The following NAGS variants were observed in gnomAD, a reference collection of about 807,000 sequenced individuals.
NAGS encodes N-acetylglutamate synthase, also known as N-acetylglutamate synthase, mitochondrial.
In NAGS, 34 loss-of-function variants were observed where a neutral mutation model predicts 46.9. The observed-to-expected ratio is 0.72, with a 90% CI of 0.55 to 0.97. The LOEUF is 0.97. NAGS is among the 50% of genes least tolerant of loss of function. The pLI, the probability that NAGS is intolerant of heterozygous loss-of-function variation, is 0.00. For synonymous variants in NAGS, 334 were observed against 346.3 expected (o/e 0.96, Z 0.39); for missense variants, 665 against 747.0 (o/e 0.89, Z 1.28).
At position 44,007,895 on chromosome 17, in the gene NAGS, C is replaced by T. The variant is rs1567944056; in HGVS notation, c.1451+122C>T. 2 of 1,004,100 alleles carry T rather than the reference C, an allele frequency of 2.0e-6. No homozygotes were observed. Among genetic ancestry groups the T allele is most frequent in the East Asian group, 5.2e-5 (2 of 38,364 alleles). 62.2% of individuals were successfully genotyped at this position (1,004,100 alleles called of 1,614,324 possible). ...TCCACTGGTCTCCCTTTCACTACCT[C>T]CCAGGGGCAGAACACACAGAAAGCC... On this transcript the variant is annotated intron_variant, in intron 6 of 6. Coordinates refer to ENST00000293404, the MANE Select transcript of NAGS (RefSeq NM_153006.3). The surrounding 1 kb of genome is among the most constrained non-coding windows in gnomAD (Gnocchi z 5.1).
In NAGS at chr17:44,007,786, A is replaced by G. The variant is rs776850288; in HGVS notation, c.1451+13A>G. ...CCATCAATCCCTGGTAGGTCCTGCC[A>G]CTCCCAGCTCTGGGCTGGGCCCTGA... On this transcript the variant is annotated intron_variant, in intron 6 of 6. Transcript: ENST00000293404. The surrounding 1 kb of genome is among the most constrained non-coding windows in gnomAD (Gnocchi z 5.1). 6.4e-7 allele frequency: 1 copy of G among 1,571,082 alleles called. No individual in the cohort carries two copies. Among genetic ancestry groups the G allele is most frequent in the Middle Eastern group, 1.7e-4 (1 of 6,004 alleles).
Position 44,006,485 on chromosome 17 carries a change from C to G in NAGS, c.916-44C>G. ...GGTCCGTGGGGGTAGGGGGGCAGTC[C>G]GTGCCGGCTGTGGGCCAGGCTCACC... On this transcript the variant is annotated intron_variant, in intron 3 of 6. Transcript: ENST00000293404. The surrounding 1 kb of genome is among the most constrained non-coding windows in gnomAD (Gnocchi z 4.8). 1.3e-6 allele frequency: 2 copies of G among 1,546,674 alleles called. No homozygotes were observed. The highest frequency in any genetic ancestry group is 1.7e-6 in the Non-Finnish European group (2 of 1,145,698).
rs1298565696 is a variant in NAGS at position 44,008,590 on chromosome 17, C to G, written c.1594C>G (p.Pro532Ala). 1.9e-6 allele frequency: 3 copies of G among 1,613,734 alleles called. No homozygotes were observed. Among genetic ancestry groups the G allele is most frequent in the Non-Finnish European group, 2.5e-6 (3 of 1,179,774 alleles). Reference sequence around the variant, plus strand: ...CTCCTTTCACAAGCCAGCTTCTGACCCAGGCAGCTGACCCTCACCATGGAC... The same window carrying G: ...CTCCTTTCACAAGCCAGCTTCTGACGCAGGCAGCTGACCCTCACCATGGAC... ...PDSFHKPASDPGS is the reference protein window; with the variant it reads ...PDSFHKPASDAGS Residue 532 changes from proline to alanine, a missense_variant, in exon 7 of 7, where the codon CCA becomes GCA. Physicochemically the swap from Pro to Ala is conservative, Grantham distance 27 (BLOSUM62 -1). Coordinates refer to ENST00000293404, the MANE Select transcript of NAGS (RefSeq NM_153006.3).
In NAGS at chr17:44,006,466, T is replaced by TGGGGGCAG; in HGVS notation, c.916-58_916-57insCAGGGGGG. The TGGGGGCAG allele has an allele frequency of 1.0e-5, 16 of 1,541,478 alleles. No individual in the cohort carries two copies. Among genetic ancestry groups the TGGGGGCAG allele is most frequent in the Non-Finnish European group, 1.4e-5 (16 of 1,142,134 alleles). On this transcript the variant is annotated intron_variant, in intron 3 of 6. Coordinates refer to ENST00000293404, the MANE Select transcript of NAGS (RefSeq NM_153006.3). The surrounding 1 kb of genome is among the most constrained non-coding windows in gnomAD (Gnocchi z 4.8). ...AGGGGTCAGAGAAAAGAGAGGTCCG[T>TGGGGGCAG]GGGGGTAGGGGGGCAGTCCGTGCCG...
rs763270017 is a variant in NAGS at position 44,006,032 on chromosome 17, G to A, written c.710G>A (p.Gly237Asp). Reference sequence around the variant, plus strand: ...CCACGTCTGGCCCACAGCTACGGCGGCATCGTCTCGGTGGAGACAGACCTG... The same window carrying A: ...CCACGTCTGGCCCACAGCTACGGCGACATCGTCTCGGTGGAGACAGACCTG... Reference protein sequence around the residue: ...AEPAPHASYGGIVSVETDLLQ... With the variant: ...AEPAPHASYGDIVSVETDLLQ... The change falls in exon 3 of 7, where the codon GGC becomes GAC. Residue 237 changes from glycine to aspartate, a missense_variant. Transcript: ENST00000293404. This position sits in a 1 kb window ranked among gnomAD's most constrained non-coding sequence, Gnocchi z 4.8. 6 of 1,600,666 alleles carry A rather than the reference G, an allele frequency of 3.7e-6. No individual in the cohort carries two copies. The highest frequency in any genetic ancestry group is 1.7e-5 in the Admixed American group (1 of 58,770).
In NAGS at chr17:44,007,174, A is replaced by G; in HGVS notation, c.1097-149A>G. On this transcript the variant is annotated intron_variant, in intron 4 of 6. Transcript: ENST00000293404. The surrounding 1 kb of genome is among the most constrained non-coding windows in gnomAD (Gnocchi z 5.1). ...GCATCTCCTTGAATGAAAATCACAGACAAATCTATGCAGACCACTGAAATC... is the reference window on the plus strand; with the variant it reads ...GCATCTCCTTGAATGAAAATCACAGGCAAATCTATGCAGACCACTGAAATC... 1.4e-6 allele frequency: 1 copy of G among 731,900 alleles called. No homozygotes were observed. The highest frequency in any genetic ancestry group is 2.2e-6 in the Non-Finnish European group (1 of 452,780). 45.3% of individuals were successfully genotyped at this position (731,900 alleles called of 1,614,324 possible).
At position 44,005,961 on chromosome 17, in the gene NAGS, C is replaced by T. The variant is rs1386020201; in HGVS notation, c.701+50C>T. 14 of 1,551,868 alleles carry T rather than the reference C, an allele frequency of 9.0e-6. No homozygotes were observed. In the South Asian group the frequency reaches 1.5e-4, roughly 17 times the overall value. On this transcript the variant is annotated intron_variant, in intron 2 of 6. Transcript: ENST00000293404. The surrounding 1 kb of genome is among the most constrained non-coding windows in gnomAD (Gnocchi z 7.2). ...GGCGTCCTCAGAGCGTGCTACTCTGCCCGCCCTGCCCCGTCCGGCAGGCCT... is the reference window on the plus strand; with the variant it reads ...GGCGTCCTCAGAGCGTGCTACTCTGTCCGCCCTGCCCCGTCCGGCAGGCCT...
Position 44,005,489 on chromosome 17 carries a change from AGGGCGGAGCAG to A in NAGS, c.427-146_427-136del. 9.0e-7 allele frequency: 1 copy of A among 1,109,372 alleles called. No individual in the cohort carries two copies. Among genetic ancestry groups the A allele is most frequent in the African/African-American group, 1.6e-5 (1 of 64,272 alleles). 68.7% of individuals were successfully genotyped at this position (1,109,372 alleles called of 1,614,324 possible). ...GGAGTGGCAAGACCCAACGGGGCAA[AGGGCGGAGCAG>A]GTGGGCACTGGTGGCCAGAACTGGG... On this transcript the variant is annotated intron_variant, in intron 1 of 6. Coordinates refer to ENST00000293404, the MANE Select transcript of NAGS (RefSeq NM_153006.3). This position sits in a 1 kb window ranked among gnomAD's most constrained non-coding sequence, Gnocchi z 7.2.
In NAGS at chr17:44,008,799, TA is replaced by T; in HGVS notation, c.*199del. The stretch of plus-strand genomic sequence containing the variant: ...AGCACAGGAAAGAAGGGGACCAGTC[TA>T]GGACCCCAACTCGACTCACTCTAAA... On this transcript the variant is annotated 3_prime_UTR_variant, in exon 7 of 7. Coordinates refer to ENST00000293404, the MANE Select transcript of NAGS (RefSeq NM_153006.3). 1 of 699,724 alleles carries T rather than the reference TA, an allele frequency of 1.4e-6. No individual in the cohort carries two copies. Among genetic ancestry groups the T allele is most frequent in the South Asian group, 1.7e-5 (1 of 59,940 alleles). The allele number at this position is 699,724 out of a possible 1,614,324, so 43.3% of individuals were successfully genotyped here.
chr17:44,007,559 G>A lies in NAGS; in HGVS notation c.1269-32G>A. On this transcript the variant is annotated intron_variant, in intron 5 of 6. Coordinates refer to ENST00000293404, the MANE Select transcript of NAGS (RefSeq NM_153006.3). This position sits in a 1 kb window ranked among gnomAD's most constrained non-coding sequence, Gnocchi z 5.1. ...GTCGGGCAGCTTCGGACCAAGGAGA[G>A]GTCCCAGCCTGCCGCTCTCCCGCTG... is the stretch of plus-strand genomic sequence containing the variant. The A allele has an allele frequency of 1.2e-6, 2 of 1,611,716 alleles. No individual in the cohort carries two copies. The highest frequency in any genetic ancestry group is 8.5e-7 in the Non-Finnish European group (1 of 1,179,310).
Position 44,007,506 on chromosome 17 carries a change from G to A in NAGS, c.1268+12G>A. On this transcript the variant is annotated intron_variant, in intron 5 of 6. Coordinates refer to ENST00000293404, the MANE Select transcript of NAGS (RefSeq NM_153006.3). The surrounding 1 kb of genome is among the most constrained non-coding windows in gnomAD (Gnocchi z 5.1). ...TACGTCTCCGAGGGGTAAGCCTGCG[G>A]ACCCCAGAGGGCGGGGTCTGGGGGG... The A allele has an allele frequency of 6.2e-7, 1 of 1,613,572 alleles. No individual in the cohort carries two copies. Among genetic ancestry groups the A allele is most frequent in the Non-Finnish European group, 8.5e-7 (1 of 1,179,946 alleles).
rs775761514 is a variant in NAGS at position 44,006,777 on chromosome 17, G to A, written c.1096+68G>A. ...GTACTGGCCGGGGCTGGGTGTCTGC[G>A]GTCAGGAGGAGCGGCTTCTCCTCCT... is the stretch of plus-strand genomic sequence containing the variant. On this transcript the variant is annotated intron_variant, in intron 4 of 6. Transcript: ENST00000293404. The surrounding 1 kb of genome is among the most constrained non-coding windows in gnomAD (Gnocchi z 4.8). 7.4e-6 allele frequency: 11 copies of A among 1,488,062 alleles called. No individual in the cohort carries two copies. The Admixed American group carries it at 1.2e-4, about 16-fold the overall frequency. The allele number at this position is 1,488,062 out of a possible 1,614,324, so 92.2% of individuals were successfully genotyped here. A position where few individuals can be genotyped will look rare whatever the true frequency, so the allele number is the denominator to read the frequency against.
At position 44,007,484 on chromosome 17, in the gene NAGS, G is replaced by A. The variant is rs779048798; in HGVS notation, c.1258G>A (p.Val420Ile). The A allele has an allele frequency of 3.7e-6, 6 of 1,613,714 alleles. No homozygotes were observed. The highest frequency in any genetic ancestry group is 1.6e-4 in the Middle Eastern group (1 of 6,062). Residue 420 changes from valine (V) to isoleucine (I), a missense_variant, in exon 5 of 7, where the codon GTC (valine) becomes ATC (isoleucine). Coordinates refer to ENST00000293404, the MANE Select transcript of NAGS (RefSeq NM_153006.3). The surrounding 1 kb of genome is among the most constrained non-coding windows in gnomAD (Gnocchi z 5.1). Reference protein sequence around the residue: ...SLRPRLHSIYVSEGYNAAAIL... With the variant: ...SLRPRLHSIYISEGYNAAAIL... ...GCGCCCGCGGCTGCACTCCATCTACGTCTCCGAGGGGTAAGCCTGCGGACC... is the reference window on the plus strand; with the variant it reads ...GCGCCCGCGGCTGCACTCCATCTACATCTCCGAGGGGTAAGCCTGCGGACC...
In NAGS at chr17:44,007,322, G is replaced by C. The variant is rs2143989613; in HGVS notation, c.1097-1G>C. The C allele has an allele frequency of 6.2e-7, 1 of 1,613,662 alleles. No individual in the cohort carries two copies. Among genetic ancestry groups the C allele is most frequent in the Non-Finnish European group, 8.5e-7 (1 of 1,179,812 alleles). On this transcript the variant is annotated splice_acceptor_variant, in intron 4 of 6. Transcript: ENST00000293404. LOFTEE classifies it high-confidence loss of function. The surrounding 1 kb of genome is among the most constrained non-coding windows in gnomAD (Gnocchi z 5.1). ...ACTAGCCCCTCCCCATCCTCCTCCA[G>C]GGTCCGGGACCCTGTTCAAGAACGC...
chr17:44,005,277 C>T lies in NAGS; in HGVS notation c.426+188C>T, dbSNP rs1274336639. The stretch of plus-strand genomic sequence containing the variant: ...GCTCCTCCGGAAGCCTCCCGCCCAG[C>T]CCGAGTGAGGATCCTGGGGGACCCC... On this transcript the variant is annotated intron_variant, in intron 1 of 6. Coordinates refer to ENST00000293404, the MANE Select transcript of NAGS (RefSeq NM_153006.3). This position sits in a 1 kb window ranked among gnomAD's most constrained non-coding sequence, Gnocchi z 7.2. Among the ~76,000 whole-genome samples, 1 of 152,226 alleles carries T rather than the reference C, an allele frequency of 6.6e-6. No homozygotes were observed. Among genetic ancestry groups the T allele is most frequent in the Admixed American group, 6.5e-5 (1 of 15,292 alleles).
intron 6 of NAGS, among the ~76,000 whole-genome samples, chr17:44,008,167 C>A (rs923831202): frequency 5.3e-5 from 8 of 152,212 alleles, no homozygotes; most frequent in Non-Finnish European, 1.2e-4. Context: ...GCTGCACAGC[C>A]AAGGCAGTGT....
chr17:44,008,651 G>A lies in NAGS; in HGVS notation c.*50G>A, dbSNP rs2049125209. The stretch of plus-strand genomic sequence containing the variant: ...CTGGAATGGCCAGGGTGGACCAAAA[G>A]CCATGCCAGCTGGGCATGACCCCAG... On this transcript the variant is annotated 3_prime_UTR_variant, in exon 7 of 7. Coordinates refer to ENST00000293404, the MANE Select transcript of NAGS (RefSeq NM_153006.3). The A allele has an allele frequency of 1.2e-6, 2 of 1,611,510 alleles. No homozygotes were observed. The highest frequency in any genetic ancestry group is 1.7e-6 in the Non-Finnish European group (2 of 1,179,158).
In NAGS at chr17:44,006,028, G is replaced by A. The variant is rs759735236; in HGVS notation, c.706G>A (p.Gly236Ser). ...AGCACCACGTCTGGCCCACAGCTAC[G>A]GCGGCATCGTCTCGGTGGAGACAGA... ...AAEPAPHASY[G>S]GIVSVETDLL... The change falls in exon 3 of 7, where the codon GGC (glycine) becomes AGC (serine). Residue 236 changes from glycine to serine, a missense_variant. Gly to Ser is a moderately conservative substitution (Grantham distance 56). Coordinates refer to ENST00000293404, the MANE Select transcript of NAGS (RefSeq NM_153006.3). The surrounding 1 kb of genome is among the most constrained non-coding windows in gnomAD (Gnocchi z 4.8). The A allele has an allele frequency of 2.5e-6, 4 of 1,600,260 alleles. No individual in the cohort carries two copies. The African/African-American group carries it at 4.0e-5, about 16-fold the overall frequency.
Position 44,008,628 on chromosome 17 carries a change from G to A in NAGS, c.*27G>A, listed in dbSNP as rs2049124954. 6.2e-7 allele frequency: 1 copy of A among 1,612,628 alleles called. No individual in the cohort carries two copies. The highest frequency in any genetic ancestry group is 2.2e-5 in the East Asian group (1 of 44,886). Reference sequence around the variant, plus strand: ...CCTCACCATGGACACTACAGGCCCTGGAATGGCCAGGGTGGACCAAAAGCC... The same window carrying A: ...CCTCACCATGGACACTACAGGCCCTAGAATGGCCAGGGTGGACCAAAAGCC... On this transcript the variant is annotated 3_prime_UTR_variant, in exon 7 of 7. Transcript: ENST00000293404.
Sources: allele counts gnomAD v4.1 joint callset (sites outside exome capture counted in the v4.1 genomes callset), GRCh38; gene constraint gnomAD v4.1.1; non-coding constraint Gnocchi (gnomAD v3.1); transcripts MANE v1.5; gene names NCBI Gene and HGNC (gene_info 2026-07-23, HGNC 2026-07-21).